The following MYOM1 variants were observed in gnomAD, a reference collection of about 807,000 sequenced individuals.
MYOM1 encodes myomesin-1.
MYOM1 carries 164 observed loss-of-function variants against 205.3 expected under a neutral mutation model. The observed-to-expected ratio is 0.80, with a 90% CI of 0.70 to 0.91. The LOEUF (loss-of-function observed/expected upper bound fraction) is 0.91, where lower values mean the gene tolerates loss of function less well. MYOM1 is among the 40% of genes least tolerant of loss of function. The pLI is 0.00. For synonymous variants in MYOM1, 772 were observed against 789.4 expected (o/e 0.98, Z 0.37); for missense variants, 2,011 against 2,127.3 (o/e 0.95, Z 1.08).
intron 33 of MYOM1, 91 bp downstream of exon 33, chr18:3,083,698 G>A (rs2079115896): frequency 7.7e-6 from 7 of 912,150 alleles, no homozygotes; most frequent in Middle Eastern, 3.0e-4. Context: ...CACCTGCCTC[G>A]GCCTCCCAAA....
At chr18:3,144,012 C>T (rs2080088494) in intron 13 of MYOM1, among the ~76,000 whole-genome samples, 1 of 151,700 alleles carries the variant, frequency 6.6e-6, no homozygotes. Context: ...CAAGACCATC[C>T]TGACTAACAC....
At chr18:3,140,161 C>T (rs940137899) in intron 14 of MYOM1, among the ~76,000 whole-genome samples, 3 of 151,956 alleles carry the variant, frequency 2.0e-5, no homozygotes, top group African/African-American at 7.3e-5. Context: ...AATCCCAGCA[C>T]TTTGGGAGGC....
rs1042369149 is a variant in MYOM1, at chr18:3,197,672, G to C, written c.291-3714C>G. 4.0e-5 allele frequency among the ~76,000 whole-genome samples: 6 copies of C among 151,868 alleles called. No homozygotes were observed. In the East Asian group the frequency reaches 1.2e-3, roughly 30 times the overall value. Reference sequence around the variant, plus strand: ...GCGGATCACGAGGTCAGGAGATCGAGACCATCCTAGCTAACATGGTGAAAC... The same window carrying C: ...GCGGATCACGAGGTCAGGAGATCGACACCATCCTAGCTAACATGGTGAAAC... On this transcript the variant is annotated intron_variant, in intron 2 of 37. Coordinates refer to ENST00000356443, the MANE Select transcript of MYOM1 (RefSeq NM_003803.4).
intron 16 of MYOM1, among the ~76,000 whole-genome samples, chr18:3,133,917 C>T (rs2079913634): frequency 6.6e-6 from 1 of 152,118 alleles, no homozygotes; most frequent in African/African-American, 2.4e-5. Context: ...GGCCAGAGTA[C>T]AGTGTTGTGA....
chr18:3,071,898 A>G lies in MYOM1; in HGVS notation c.4709-9T>C, dbSNP rs759105315. ...CAACACCCGGGCACGATCTGCAAGC[A>G]TAGGCATTTTGGGTTAATCACTGCA... On this transcript the variant is annotated splice_polypyrimidine_tract_variant and intron_variant, in intron 36 of 37. Coordinates refer to ENST00000356443, the MANE Select transcript of MYOM1 (RefSeq NM_003803.4). The G allele has an allele frequency of 6.2e-7, 1 of 1,602,048 alleles. No individual in the cohort carries two copies. The highest frequency in any genetic ancestry group is 1.3e-5 in the African/African-American group (1 of 74,780).
chr18:3,207,948 C>A (rs2081145135), intron 2 of MYOM1, among the ~76,000 whole-genome samples: 1 of 152,160 alleles, frequency 6.6e-6, no homozygotes, highest in Non-Finnish European at 1.5e-5. Context: ...GCACAGCAGG[C>A]AAAGAAGGAA....
rs753701204 is a variant in MYOM1, at chr18:3,083,893, A to C, written c.4380T>G (p.Ala1460=). The change falls in exon 33 of 38, where the codon GCT becomes GCG. Residue 1460 remains alanine, a splice_region_variant and synonymous_variant. Transcript: ENST00000356443. ...ELMMEVCKKI[A]LSATDLKIQS... Reference sequence around the variant, plus strand: ...GGATTTTCAGGTCTGTAGCAGACAAAGCTGAAAGAAGAAAATAGCATATTT... The same window carrying C: ...GGATTTTCAGGTCTGTAGCAGACAACGCTGAAAGAAGAAAATAGCATATTT... The C allele has an allele frequency of 6.3e-7, 1 of 1,577,178 alleles. No individual in the cohort carries two copies. The highest frequency in any genetic ancestry group is 1.2e-5 in the South Asian group (1 of 86,180).
intron 2 of MYOM1, among the ~76,000 whole-genome samples, chr18:3,197,141 T>C (rs1300196299): frequency 6.6e-6 from 1 of 151,088 alleles, no homozygotes; most frequent in Non-Finnish European, 1.5e-5. Flanking sequence ...ACTTCCTTTT[T>C]TTTTTTTTTT....
intron 5 of MYOM1, among the ~76,000 whole-genome samples, chr18:3,183,771 T>C (rs1205762581): frequency 6.6e-6 from 1 of 152,192 alleles, no homozygotes. Context: ...AGCAATGTTA[T>C]CACCAACAAT....
chr18:3,216,335 T>C (rs1457451435), intron 1 of MYOM1, among the ~76,000 whole-genome samples: 1 of 152,210 alleles, frequency 6.6e-6, no homozygotes, highest in African/African-American at 2.4e-5. Flanking sequence ...TCTAATTACC[T>C]TGTACAGAAC....
chr18:3,098,504 C>T (rs1356322477), intron 25 of MYOM1, among the ~76,000 whole-genome samples: 1 of 152,054 alleles, frequency 6.6e-6, no homozygotes, highest in Non-Finnish European at 1.5e-5. Context: ...GTCTTGAACT[C>T]CTGACCTCAT....
the MYOM1 span, among the ~76,000 whole-genome samples, chr18:3,226,549 C>T: frequency 6.6e-6 from 1 of 152,196 alleles, no homozygotes; most frequent in South Asian, 2.1e-4. The surrounding 1 kb of genome is among the most constrained non-coding windows in gnomAD (Gnocchi z 4.6). Context: ...CCTCTCAGCC[C>T]TGCCAACACG....
rs1229033915 is a variant in MYOM1, at chr18:3,135,653, G to C, written c.2103C>G (p.Asp701Glu). ...PVKSPRFALF[D>E]LAEGKSYCFR... ...AACAGTAGGATTTCCCCTCGGCCAA[G>C]TCAAACAGAGCAAAGCGGGGAGACT... Residue 701 changes from aspartate to glutamate, a missense_variant, in exon 15 of 38, where the codon GAC becomes GAG. Transcript: ENST00000356443. This position sits in a 1 kb window ranked among gnomAD's most constrained non-coding sequence, Gnocchi z 4.1. The C allele has an allele frequency of 2.5e-6, 4 of 1,613,880 alleles. No homozygotes were observed. The highest frequency in any genetic ancestry group is 3.4e-6 in the Non-Finnish European group (4 of 1,179,892).
rs1418653384 is a variant in MYOM1, at chr18:3,090,708, A to C, written c.3959T>G (p.Leu1320Arg). Residue 1320 changes from leucine to arginine, a missense_variant, in exon 27 of 38, where the codon CTT (leucine) becomes CGT (arginine). Leu to Arg is a moderately radical substitution (Grantham distance 102). Coordinates refer to ENST00000356443, the MANE Select transcript of MYOM1 (RefSeq NM_003803.4). The part of the protein sequence containing the change: ...DEDEGTYTFQ[L>R]QDGKATNHST... ...ATGGTTAGTTGCTTTTCCATCTTGAAGCTGGAAAGTGTACGTTCCCTCATC... is the reference window on the plus strand; with the variant it reads ...ATGGTTAGTTGCTTTTCCATCTTGACGCTGGAAAGTGTACGTTCCCTCATC... The C allele has an allele frequency of 6.2e-7, 1 of 1,613,976 alleles. No individual in the cohort carries two copies. Among genetic ancestry groups the C allele is most frequent in the Admixed American group, 1.7e-5 (1 of 60,014 alleles).
chr18:3,246,736 G>T, the MYOM1 span: 2 of 152,302 alleles, frequency 1.3e-5, no homozygotes, highest in African/African-American at 2.4e-5. Context: ...CTTCAGAAGG[G>T]TTCTGGCCAC....
At chr18:3,186,013 C>T (rs553422744) in intron 5 of MYOM1, among the ~76,000 whole-genome samples, 7 of 152,124 alleles carry the variant, frequency 4.6e-5, no homozygotes, top group South Asian at 2.1e-4. Context: ...CTGGCCAACA[C>T]GGCAAAACCC....
chr18:3,104,191 C>T (rs2079420181), intron 22 of MYOM1, among the ~76,000 whole-genome samples: 1 of 152,122 alleles, frequency 6.6e-6, no homozygotes, highest in Non-Finnish European at 1.5e-5. Flanking sequence ...TTTATTAAAA[C>T]TTAAGAAAAG....
At chr18:3,086,283 G>C in intron 29 of MYOM1, 132 bp from the exon 30 acceptor site, 3 of 482,470 alleles carry the variant, frequency 6.2e-6, no homozygotes, top group Non-Finnish European at 3.6e-6. Flanking sequence ...GATTTCTAAA[G>C]GAATGAATTG....
At chr18:3,081,139 A>G (rs913777354) in intron 33 of MYOM1, among the ~76,000 whole-genome samples, 1 of 152,166 alleles carries the variant, frequency 6.6e-6, no homozygotes, top group Non-Finnish European at 1.5e-5. Context: ...TCAAAAAAAA[A>G]AAAAAAGAGA....
Sources: gnomAD v4.1 joint callset for allele counts (sites outside exome capture counted in the v4.1 genomes callset) on GRCh38, gnomAD v4.1.1 for gene constraint, Gnocchi (gnomAD v3.1) non-coding constraint, MANE v1.5 for transcripts, NCBI Gene and HGNC (gene_info 2026-07-23, HGNC 2026-07-21) for gene names.